Variants in UBN1 observed in about 807,000 individuals in gnomAD.
UBN1 encodes ubinuclein-1.
Under a neutral mutation model 108.5 loss-of-function variants are expected in UBN1, and 17 were observed. That is an observed-to-expected ratio of 0.16 (90% confidence interval 0.11 to 0.24). The LOEUF (loss-of-function observed/expected upper bound fraction) is 0.24, where lower values mean the gene tolerates loss of function less well. UBN1 is among the 10% of genes least tolerant of loss of function. The pLI is 1.00. For synonymous variants in UBN1, 726 were observed against 564.2 expected, an observed-to-expected ratio of 1.29 and a Z score of -4.07; for missense variants, 1,595 against 1,394.4, an observed-to-expected ratio of 1.14 and a Z score of -2.29.
chr16:4,857,877 C>T (rs925489657), intron 2 of UBN1, 113 bp from the exon 3 acceptor site: 5 of 777,952 alleles, frequency 6.4e-6, no homozygotes, highest in African/African-American at 1.7e-5. Flanking sequence ...CTACCTTGCC[C>T]TTTTCTGGAA....
chr16:4,864,794 C>T (rs1350913065), intron 7 of UBN1, among the ~76,000 whole-genome samples: 1 of 152,106 alleles, frequency 6.6e-6, no homozygotes, highest in Non-Finnish European at 1.5e-5. Flanking sequence ...TCTGCTCTGC[C>T]CTCTATAGAA....
intron 6 of UBN1, among the ~76,000 whole-genome samples, chr16:4,860,434 C>T (rs1481707318): frequency 1.3e-5 from 2 of 152,164 alleles, no homozygotes; most frequent in Non-Finnish European, 2.9e-5. Context: ...TCTAAAAACC[C>T]GTCGGAAATT....
At chr16:4,851,221 G>A (rs2086541285) in intron 1 of UBN1, among the ~76,000 whole-genome samples, 1 of 152,184 alleles carries the variant, frequency 6.6e-6, no homozygotes. Context: ...GACCATATAG[G>A]CTGGGCTCAG....
chr16:4,865,302 T>G (rs1433655686), intron 7 of UBN1, among the ~76,000 whole-genome samples: 1 of 152,194 alleles, frequency 6.6e-6, no homozygotes. Flanking sequence ...CTTTCTAAAA[T>G]TACATAATAT....
chr16:4,865,223 G>A (rs1043576281), intron 7 of UBN1, among the ~76,000 whole-genome samples: 5 of 152,116 alleles, frequency 3.3e-5, no homozygotes, highest in Admixed American at 6.5e-5. Context: ...TGCCGCAGTC[G>A]ACTCTTCAGT....
intron 14 of UBN1, among the ~76,000 whole-genome samples, chr16:4,873,617 C>A (rs1367953726): frequency 6.6e-6 from 1 of 152,182 alleles, no homozygotes; most frequent in Non-Finnish European, 1.5e-5. Context: ...CCTAAGCAGA[C>A]CGTGAGAATG....
In UBN1 at chr16:4,874,922, C is replaced by G; in HGVS notation, c.2512C>G (p.His838Asp). 2 of 1,614,196 alleles carry G rather than the reference C, an allele frequency of 1.2e-6. No homozygotes were observed. The highest frequency in any genetic ancestry group is 2.2e-5 in the East Asian group (1 of 44,888). The change falls in exon 15 of 18, where the codon CAT (histidine) becomes GAT (aspartate). Residue 838 changes from histidine (H) to aspartate (D), a missense_variant. His to Asp is a moderately conservative substitution (Grantham distance 81). Transcript: ENST00000262376. Reference protein sequence around the residue: ...QGPKASPTQCHRSLLQLVKTA... With the variant: ...QGPKASPTQCDRSLLQLVKTA... ...CCCAAAGGCTTCTCCCACACAGTGT[C>G]ATCGTTCCCTCCTGCAGTTAGTGAA...
At chr16:4,869,880 A>G (rs1037090468) in intron 8 of UBN1, among the ~76,000 whole-genome samples, 16 of 152,184 alleles carry the variant, frequency 1.1e-4, no homozygotes, top group African/African-American at 3.4e-4. Context: ...TTTGAACCCC[A>G]AGTAACTCAT....
chr16:4,861,193 C>T lies in UBN1; in HGVS notation c.1110+91C>T. ...ACTGCGTGAAGCTTGCCCAGAGAAA[C>T]TCTTAGTGAGTTGGCAGTTAAGGTG... On this transcript the variant is annotated intron_variant, in intron 7 of 17. Coordinates refer to ENST00000262376, the MANE Select transcript of UBN1 (RefSeq NM_001079514.3). 2.9e-6 allele frequency: 4 copies of T among 1,401,966 alleles called. No individual in the cohort carries two copies. In the South Asian group the frequency reaches 5.8e-5, roughly 20 times the overall value. 86.8% of individuals were successfully genotyped at this position (1,401,966 alleles called of 1,614,324 possible). A position where few individuals can be genotyped will look rare whatever the true frequency, so the allele number is the denominator to read the frequency against.
chr16:4,860,077 G>T, intron 6 of UBN1, 109 bp downstream of exon 6: 2 of 1,428,538 alleles, frequency 1.4e-6, no homozygotes, highest in Non-Finnish European at 1.9e-6. Context: ...AGCAGGGCCT[G>T]GCCTTCCTGT....
chr16:4,855,405 A>G (rs561815279), intron 2 of UBN1, among the ~76,000 whole-genome samples: 2 of 152,190 alleles, frequency 1.3e-5, no homozygotes, highest in East Asian at 1.9e-4. Context: ...ACTTGACCAC[A>G]GGAGTTCAAG....
chr16:4,855,030 G>A (rs1381231201), intron 2 of UBN1, among the ~76,000 whole-genome samples: 3 of 152,116 alleles, frequency 2.0e-5, no homozygotes, highest in South Asian at 4.1e-4. Context: ...CCCGTGAAAA[G>A]CATTTTTAAG....
In UBN1 at chr16:4,860,650, C is replaced by T. The variant is rs753489835; in HGVS notation, c.672-14C>T. 1.9e-6 allele frequency: 3 copies of T among 1,601,990 alleles called. No homozygotes were observed. Among genetic ancestry groups the T allele is most frequent in the South Asian group, 1.1e-5 (1 of 89,772 alleles). On this transcript the variant is annotated splice_polypyrimidine_tract_variant and intron_variant, in intron 6 of 17. Transcript: ENST00000262376. The stretch of plus-strand genomic sequence containing the variant: ...TCCTATAGTCTGAGTGACCAGTTTC[C>T]CTCTTGCTTGCAGCTTCACAGCCCT...
rs2088062421 is a variant in UBN1 at position 4,881,091 on chromosome 16, G to GT, written c.*964dup. ...CCAGTATAGCCAGGGCTCCCATTTT[G>GT]TTTTTCCAGAGTTCGTGGAGGTGGA... On this transcript the variant is annotated 3_prime_UTR_variant, in exon 18 of 18. Transcript: ENST00000262376. 6.6e-6 allele frequency: 1 copy of GT among 152,604 alleles called. No individual in the cohort carries two copies. Among genetic ancestry groups the GT allele is most frequent in the Admixed American group, 6.5e-5 (1 of 15,278 alleles). The allele number at this position is 152,604 out of a possible 1,614,324, so 9.5% of individuals were successfully genotyped here. A position where few individuals can be genotyped will look rare whatever the true frequency, so the allele number is the denominator to read the frequency against.
intron 7 of UBN1, among the ~76,000 whole-genome samples, chr16:4,862,201 A>G (rs1159574229): frequency 6.6e-6 from 1 of 152,232 alleles, no homozygotes; most frequent in African/African-American, 2.4e-5. Context: ...TTCTTACAGT[A>G]TTTCAGAAGC....
Position 4,859,850 on chromosome 16 carries a change from G to A in UBN1, c.568-15G>A. 1 of 1,613,702 alleles carries A rather than the reference G, an allele frequency of 6.2e-7. No homozygotes were observed. The highest frequency in any genetic ancestry group is 1.3e-5 in the African/African-American group (1 of 74,976). Reference sequence around the variant, plus strand: ...TTAGGGAGCCGTGTAACTGTGCCTTGTCTTTAATTCTCAGAAGCGGAAGTT... The same window carrying A: ...TTAGGGAGCCGTGTAACTGTGCCTTATCTTTAATTCTCAGAAGCGGAAGTT... On this transcript the variant is annotated splice_polypyrimidine_tract_variant and intron_variant, in intron 5 of 17. Transcript: ENST00000262376.
intron 7 of UBN1, among the ~76,000 whole-genome samples, chr16:4,865,906 G>A (rs1052498038): frequency 1.3e-5 from 2 of 152,080 alleles, no homozygotes; most frequent in Admixed American, 6.5e-5. Context: ...AGGTTGCAGT[G>A]AGCTGAGATC....
chr16:4,853,151 T>G lies in UBN1; in HGVS notation c.234T>G (p.Leu78=). The G allele has an allele frequency of 1.2e-6, 2 of 1,614,178 alleles. No homozygotes were observed. Among genetic ancestry groups the G allele is most frequent in the Non-Finnish European group, 1.7e-6 (2 of 1,180,036 alleles). Residue 78 remains leucine (L), a synonymous_variant, in exon 2 of 18, where the codon CTT becomes CTG. Coordinates refer to ENST00000262376, the MANE Select transcript of UBN1 (RefSeq NM_001079514.3). ...VKNIRGKVKG[L]QPGDKKKDLS... ...ATATCCGAGGGAAGGTAAAAGGCCTTCAGCCTGGAGATAAGGTACACCCCT... is the reference window on the plus strand; with the variant it reads ...ATATCCGAGGGAAGGTAAAAGGCCTGCAGCCTGGAGATAAGGTACACCCCT...
At chr16:4,861,244 A>C in intron 7 of UBN1, 142 bp downstream of exon 7, 6 of 930,456 alleles carry the variant, frequency 6.4e-6, no homozygotes, top group Non-Finnish European at 9.4e-6. Context: ...CCCTATTCTC[A>C]TCCTGAGGGA....
Sources: gnomAD v4.1 joint callset for allele counts (sites outside exome capture counted in the v4.1 genomes callset) on GRCh38, gnomAD v4.1.1 for gene constraint, MANE v1.5 for transcripts, NCBI Gene and HGNC (gene_info 2026-07-23, HGNC 2026-07-21) for gene names.